Variants in CDH8 observed in about 807,000 individuals in gnomAD.
The protein encoded by CDH8 is cadherin 8, also known as cadherin-8.
In CDH8, 17 loss-of-function variants were observed where a neutral mutation model predicts 68.1. The observed-to-expected ratio is 0.25, with a 90% CI of 0.17 to 0.37. The LOEUF is 0.37. CDH8 is among the 10% of genes least tolerant of loss of function. The pLI, the probability that CDH8 is intolerant of heterozygous loss-of-function variation, is 1.00. For synonymous variants in CDH8, 372 were observed against 365.1 expected (o/e 1.02, Z -0.21); for missense variants, 763 against 999.3 (o/e 0.76, Z 3.19).
chr16:61,695,506 A>G (rs758985236), intron 10 of CDH8, among the ~76,000 whole-genome samples: 36 of 152,290 alleles, frequency 2.4e-4, no homozygotes, highest in Non-Finnish European at 4.3e-4. Flanking sequence ...TTGTGAAGAC[A>G]TTGGGCAGAA....
intron 1 of CDH8, among the ~76,000 whole-genome samples, chr16:62,028,773 C>T (rs2150620231): frequency 6.6e-6 from 1 of 152,150 alleles, no homozygotes; most frequent in African/African-American, 2.4e-5. Context: ...TCCCACAACT[C>T]CCTTGCCAGT....
Position 61,653,088 on chromosome 16 carries a change from G to C in CDH8, c.*520C>G. On this transcript the variant is annotated 3_prime_UTR_variant, in exon 12 of 12. Coordinates refer to ENST00000577390, the MANE Select transcript of CDH8 (RefSeq NM_001796.5). ...TGTGGTCACCGTACTGTATAATCTA[G>C]GAGGCCTCTCAAAACTCCAAAAAGT... 1.6e-6 allele frequency: 2 copies of C among 1,265,518 alleles called. No individual in the cohort carries two copies. Among genetic ancestry groups the C allele is most frequent in the Non-Finnish European group, 2.0e-6 (2 of 1,006,790 alleles). 78.4% of individuals were successfully genotyped at this position (1,265,518 alleles called of 1,614,324 possible). A position where few individuals can be genotyped will look rare whatever the true frequency, so the allele number is the denominator to read the frequency against.
chr16:61,962,552 C>T (rs1965174841), intron 2 of CDH8, among the ~76,000 whole-genome samples: 1 of 152,160 alleles, frequency 6.6e-6, no homozygotes, highest in Non-Finnish European at 1.5e-5. Flanking sequence ...CCCAGTTAGT[C>T]TGGGGCTGTT....
chr16:61,916,956 A>T (rs761110401), intron 2 of CDH8, among the ~76,000 whole-genome samples: 7 of 152,122 alleles, frequency 4.6e-5, no homozygotes, highest in Non-Finnish European at 1.0e-4. Context: ...AAATAAATTG[A>T]TTTTTAATTA....
intron 3 of CDH8, among the ~76,000 whole-genome samples, chr16:61,895,367 A>G (rs886961181): frequency 1.3e-5 from 2 of 152,154 alleles, no homozygotes; most frequent in Non-Finnish European, 2.9e-5. Flanking sequence ...ATCTGACTTT[A>G]TATTATGTAG....
chr16:61,965,381 A>G (rs1028133230), intron 2 of CDH8, among the ~76,000 whole-genome samples: 28 of 152,294 alleles, frequency 1.8e-4, no homozygotes, highest in African/African-American at 6.5e-4. Context: ...GATCACGTCC[A>G]CTGCTGAACT....
intron 10 of CDH8, among the ~76,000 whole-genome samples, 175 bp from the exon 11 acceptor site, chr16:61,655,896 G>A (rs1485353963): frequency 7.2e-6 from 1 of 139,294 alleles, no homozygotes; most frequent in Non-Finnish European, 1.5e-5. Flanking sequence ...TTTTTGAGAC[G>A]GAGTCTCGCT....
chr16:61,741,890 C>T (rs1959882502), intron 8 of CDH8, among the ~76,000 whole-genome samples: 1 of 152,146 alleles, frequency 6.6e-6, no homozygotes, highest in Admixed American at 6.5e-5. Context: ...CGTGCACATG[C>T]ACACTCACAC....
At chr16:61,893,606 T>A (rs898314183) in intron 3 of CDH8, among the ~76,000 whole-genome samples, 2 of 152,090 alleles carry the variant, frequency 1.3e-5, no homozygotes, top group African/African-American at 2.4e-5. Flanking sequence ...AATGGCTAAT[T>A]CTAGGGCTGG....
At chr16:61,759,770 G>T (rs1332760772) in intron 8 of CDH8, among the ~76,000 whole-genome samples, 1 of 152,064 alleles carries the variant, frequency 6.6e-6, no homozygotes, top group East Asian at 1.9e-4. Context: ...TGTGGCCAAA[G>T]GTCAACTGTG....
At chr16:61,790,328 C>A (rs915290578) in intron 7 of CDH8, among the ~76,000 whole-genome samples, 2 of 151,874 alleles carry the variant, frequency 1.3e-5, no homozygotes, top group Admixed American at 1.3e-4. Flanking sequence ...TTATTAATAT[C>A]TTTTTTATAC....
chr16:61,694,896 C>G (rs558029667), intron 10 of CDH8, among the ~76,000 whole-genome samples: 7 of 152,028 alleles, frequency 4.6e-5, no homozygotes, highest in Non-Finnish European at 1.0e-4. Context: ...ATTCTCCTGC[C>G]TCAGCCTCCC....
At chr16:62,015,848 A>C (rs1901926225) in intron 2 of CDH8, among the ~76,000 whole-genome samples, 1 of 152,130 alleles carries the variant, frequency 6.6e-6, no homozygotes, top group South Asian at 2.1e-4. Flanking sequence ...AAACTGGAAA[A>C]GGGCTCTCAC....
At chr16:61,950,621 A>G (rs1964878924) in intron 2 of CDH8, among the ~76,000 whole-genome samples, 1 of 152,038 alleles carries the variant, frequency 6.6e-6, no homozygotes, top group Non-Finnish European at 1.5e-5. Context: ...TATCTACTTC[A>G]TTTCTTATTT....
chr16:61,849,973 T>G (rs1427911556), intron 4 of CDH8, among the ~76,000 whole-genome samples: 1 of 152,154 alleles, frequency 6.6e-6, no homozygotes, highest in Non-Finnish European at 1.5e-5. Flanking sequence ...ATATCATGAA[T>G]GACTAGAAGA....
chr16:61,682,945 A>T (rs1311785945), intron 10 of CDH8, among the ~76,000 whole-genome samples: 1 of 152,050 alleles, frequency 6.6e-6, no homozygotes, highest in Non-Finnish European at 1.5e-5. Flanking sequence ...AATAAAATAC[A>T]CTAAAATATA....
At chr16:61,667,784 G>T (rs1266311935) in intron 10 of CDH8, 1 of 152,020 alleles carries the variant, frequency 6.6e-6, no homozygotes, top group Non-Finnish European at 1.5e-5. Context: ...ATGATTTACT[G>T]AGTCACAGCA....
At chr16:61,731,836 A>C (rs986716063) in intron 8 of CDH8, among the ~76,000 whole-genome samples, 19 of 151,842 alleles carry the variant, frequency 1.3e-4, no homozygotes, top group African/African-American at 4.6e-4. Flanking sequence ...GTAGCCATTA[A>C]CATATATTTA....
chr16:61,952,608 T>C (rs180802915), intron 2 of CDH8, among the ~76,000 whole-genome samples: 1 of 151,944 alleles, frequency 6.6e-6, no homozygotes, highest in African/African-American at 2.4e-5. Context: ...TATGCAAAAG[T>C]CAAAAATTAA....
Sources: gnomAD v4.1 joint callset for allele counts (sites outside exome capture counted in the v4.1 genomes callset) on GRCh38, gnomAD v4.1.1 for gene constraint, MANE v1.5 for transcripts, NCBI Gene and HGNC (gene_info 2026-07-23, HGNC 2026-07-21) for gene names.